The following EIF2B1 variants were observed in gnomAD, a reference collection of about 807,000 sequenced individuals.
EIF2B1 encodes the protein eukaryotic translation initiation factor 2B subunit alpha.
In EIF2B1, 30 loss-of-function variants were observed where a neutral mutation model predicts 36.8. The ratio of observed to expected loss-of-function variants is 0.81; its 90% CI spans 0.61 to 1.10. The LOEUF (loss-of-function observed/expected upper bound fraction) is 1.10. Among genes scored for constraint, EIF2B1 ranks in the 50% least tolerant of loss-of-function variants. The probability of loss-of-function intolerance (pLI) is 0.00; values close to 1 mark genes in which losing one functional copy is unlikely to be tolerated. For synonymous variants in EIF2B1, 139 were observed against 142.2 expected (o/e 0.98, Z 0.16); for missense variants, 271 against 374.8 (o/e 0.72, Z 2.29).
chr12:123,626,182 CACTT>C (rs1481833975), intron 6 of EIF2B1: 30 of 541,604 alleles, frequency 5.5e-5, no homozygotes, highest in African/African-American at 9.5e-5. Context: ...ACAAACTCAA[CACTT>C]ACAGCCATAA....
rs4040224 is a variant in EIF2B1, at chr12:123,632,945, C to CAAAAAA, written c.14-505_14-500dup. ...TGGGTGACAGAGCGAGACTCCGTCT[C>CAAAAAA]AAAAAAAAAAAAAAAAAAGCTACTG... On this transcript the variant is annotated intron_variant, in intron 1 of 8. Transcript: ENST00000424014. Among the ~76,000 whole-genome samples the CAAAAAA allele has an allele frequency of 2.9e-3, 217 of 75,074 alleles. 4 individuals are homozygous for CAAAAAA. Among genetic ancestry groups the CAAAAAA allele is most frequent in the African/African-American group, 0.012 (204 of 16,426 alleles). 49.3% of individuals were successfully genotyped at this position (75,074 alleles called of 152,430 possible).
At chr12:123,628,734 C>T (rs1482059964) in intron 4 of EIF2B1, among the ~76,000 whole-genome samples, 1 of 152,176 alleles carries the variant, frequency 6.6e-6, no homozygotes, top group African/African-American at 2.4e-5. Flanking sequence ...AGCTCTCTAG[C>T]TCCTTTCTGG....
chr12:123,626,345 C>G lies in EIF2B1; in HGVS notation c.551+80G>C, dbSNP rs568510703. On this transcript the variant is annotated intron_variant, in intron 6 of 8. Coordinates refer to ENST00000424014, the MANE Select transcript of EIF2B1 (RefSeq NM_001414.4). ...CTGGTGTGGCTTTATGAACGGGACT[C>G]AAACTTTCAATCTGAAAACTTGCTG... The G allele has an allele frequency of 3.8e-6, 6 of 1,579,526 alleles. No individual in the cohort carries two copies. In the South Asian group the frequency reaches 6.7e-5, roughly 18 times the overall value.
chr12:123,631,807 A>G (rs1002488528), intron 2 of EIF2B1, among the ~76,000 whole-genome samples: 1 of 40,072 alleles, frequency 2.5e-5, no homozygotes, highest in Non-Finnish European at 5.2e-5. Flanking sequence ...ACTCCGTCTC[A>G]AAAAAAAAAA....
rs1566213479 is a variant in EIF2B1 at position 123,621,927 on chromosome 12, A to G, written c.754-7T>C. 2 of 1,613,868 alleles carry G rather than the reference A, an allele frequency of 1.2e-6. No homozygotes were observed. The highest frequency in any genetic ancestry group is 2.2e-5 in the East Asian group (1 of 44,884). On this transcript the variant is annotated splice_region_variant and splice_polypyrimidine_tract_variant and intron_variant, in intron 8 of 8. Coordinates refer to ENST00000424014, the MANE Select transcript of EIF2B1 (RefSeq NM_001414.4). The stretch of plus-strand genomic sequence containing the variant: ...TGAGAGTGTCTGCCTTATACTGAGG[A>G]GAGAAGTACACATTAGTCGGCACTG...
intron 4 of EIF2B1, among the ~76,000 whole-genome samples, chr12:123,627,560 C>T (rs1955158221): frequency 6.6e-6 from 1 of 152,150 alleles, no homozygotes; most frequent in Admixed American, 6.6e-5. Flanking sequence ...CGAAAGGCTA[C>T]AGAAGGCTGG....
intron 1 of EIF2B1, 71 bp downstream of exon 1, chr12:123,633,474 G>A (rs1955218900): frequency 6.2e-7 from 1 of 1,603,550 alleles, no homozygotes; most frequent in African/African-American, 1.3e-5. Context: ...GCTCAGCCTG[G>A]ATGTGAGAGG....
At chr12:123,632,253 G>A (rs1955196809) in intron 2 of EIF2B1, 92 bp downstream of exon 2, 1 of 896,560 alleles carries the variant, frequency 1.1e-6, no homozygotes, top group Non-Finnish European at 1.8e-6. Context: ...GGGTGACAGA[G>A]TGAGGCTCCG....
intron 6 of EIF2B1, chr12:123,626,217 C>G: frequency 1.7e-6 from 1 of 601,356 alleles, no homozygotes; most frequent in Non-Finnish European, 3.0e-6. Flanking sequence ...ACAACTCCCA[C>G]TCTCCCCAAC....
At position 123,630,332 on chromosome 12, in the gene EIF2B1, T is replaced by C. The variant is rs930417910; in HGVS notation, c.253-47A>G. Reference sequence around the variant, plus strand: ...GAGGGGACAGGGAAGATCCAGTTAATGCTGAGAATGTCTGTCACTAAACAG... The same window carrying C: ...GAGGGGACAGGGAAGATCCAGTTAACGCTGAGAATGTCTGTCACTAAACAG... On this transcript the variant is annotated intron_variant, in intron 3 of 8. Coordinates refer to ENST00000424014, the MANE Select transcript of EIF2B1 (RefSeq NM_001414.4). The surrounding 1 kb of genome is among the most constrained non-coding windows in gnomAD (Gnocchi z 4.6). 7 of 1,613,974 alleles carry C rather than the reference T, an allele frequency of 4.3e-6. No individual in the cohort carries two copies. In the African/African-American group the frequency reaches 8.0e-5, roughly 18 times the overall value.
At position 123,620,629 on chromosome 12, in the gene EIF2B1, A is replaced by G. The variant is rs980432155; in HGVS notation, c.*1127T>C. Reference sequence around the variant, plus strand: ...ATATATATATATATATATATATATAAGCTCTTTTTTCTGAGGCTATTTTAT... The same window carrying G: ...ATATATATATATATATATATATATAGGCTCTTTTTTCTGAGGCTATTTTAT... On this transcript the variant is annotated 3_prime_UTR_variant, in exon 9 of 9. Coordinates refer to ENST00000424014, the MANE Select transcript of EIF2B1 (RefSeq NM_001414.4). 750 of 60,794 alleles carry G rather than the reference A, an allele frequency of 0.012. 24 individuals are homozygous for G. The highest frequency in any genetic ancestry group is 0.059 in the Admixed American group (296 of 5,050). The allele number at this position is 60,794 out of a possible 1,614,324, so 3.8% of individuals were successfully genotyped here.
In EIF2B1 at chr12:123,630,165, T is replaced by TCACCG; in HGVS notation, c.368_369+3dup. ...CCTTACCACCATGATGATTATCCAC[T>TCACCG]CACCGCTCCATCTTTGATGAAAGTA... On this transcript the variant is annotated splice_donor_region_variant and intron_variant, in intron 4 of 8. Coordinates refer to ENST00000424014, the MANE Select transcript of EIF2B1 (RefSeq NM_001414.4). This position sits in a 1 kb window ranked among gnomAD's most constrained non-coding sequence, Gnocchi z 4.6. The TCACCG allele has an allele frequency of 6.2e-7, 1 of 1,613,064 alleles. No homozygotes were observed. Among genetic ancestry groups the TCACCG allele is most frequent in the Non-Finnish European group, 8.5e-7 (1 of 1,179,330 alleles).
At position 123,626,993 on chromosome 12, in the gene EIF2B1, T is replaced by G. The variant is rs756438660; in HGVS notation, c.482+51A>C. The G allele has an allele frequency of 4.5e-6, 7 of 1,544,512 alleles. No homozygotes were observed. The African/African-American group carries it at 8.2e-5, about 18-fold the overall frequency. The stretch of plus-strand genomic sequence containing the variant: ...ATCCTGTTGGACTGTAATCCGCAGT[T>G]TGCTCTGTAAAATTATGGCTGGGCA... On this transcript the variant is annotated intron_variant, in intron 5 of 8. Coordinates refer to ENST00000424014, the MANE Select transcript of EIF2B1 (RefSeq NM_001414.4).
In EIF2B1 at chr12:123,626,769, A is replaced by G; in HGVS notation, c.482+275T>C. On this transcript the variant is annotated intron_variant, in intron 5 of 8. Coordinates refer to ENST00000424014, the MANE Select transcript of EIF2B1 (RefSeq NM_001414.4). ...TTGATTATCGTCTAGAGAGAGGGAG[A>G]TATAAGTTACCTATTCCTTGATAAA... The G allele has an allele frequency of 1.8e-5, 12 of 653,212 alleles. No individual in the cohort carries two copies. The South Asian group carries it at 2.1e-4, about 11-fold the overall frequency. 40.5% of individuals were successfully genotyped at this position (653,212 alleles called of 1,614,324 possible).
rs772043609 is a variant in EIF2B1 at position 123,621,894 on chromosome 12, C to T, written c.780G>A (p.Ala260=). Residue 260 remains alanine (A), a synonymous_variant, in exon 9 of 9, where the codon GCG becomes GCA. Coordinates refer to ENST00000424014, the MANE Select transcript of EIF2B1 (RefSeq NM_001414.4). ...CCTCTTTGAGGTCTTGTCCAGTCTG[C>T]GCGACCTTGAGAGTGTCTGCCTTAT... ...FKYKADTLKV[A]QTGQDLKEEH... 2.5e-5 allele frequency: 41 copies of T among 1,613,896 alleles called. No individual in the cohort carries two copies. In the Admixed American group the frequency reaches 4.8e-4, roughly 19 times the overall value.
At position 123,621,540 on chromosome 12, in the gene EIF2B1, A is replaced by G. The variant is rs752329421; in HGVS notation, c.*216T>C. 63 of 606,536 alleles carry G rather than the reference A, an allele frequency of 1.0e-4. No individual in the cohort carries two copies. Among genetic ancestry groups the G allele is most frequent in the Non-Finnish European group, 1.6e-4 (57 of 348,526 alleles). The allele number at this position is 606,536 out of a possible 1,614,324, so 37.6% of individuals were successfully genotyped here. On this transcript the variant is annotated 3_prime_UTR_variant, in exon 9 of 9. Coordinates refer to ENST00000424014, the MANE Select transcript of EIF2B1 (RefSeq NM_001414.4). ...AAAAGGAAAGTTTCTAGAAACCGTA[A>G]GAACAATTTAAGTTGGGATTTAGAA...
At position 123,626,433 on chromosome 12, in the gene EIF2B1, A is replaced by G. The variant is rs758794919; in HGVS notation, c.543T>C (p.Ala181=). 161 of 1,614,168 alleles carry G rather than the reference A, an allele frequency of 1.0e-4. No individual in the cohort carries two copies. The Middle Eastern group carries it at 1.8e-3, about 18-fold the overall frequency. The change falls in exon 6 of 9, where the codon GCT becomes GCC. Residue 181 remains alanine (A), a synonymous_variant. Coordinates refer to ENST00000424014, the MANE Select transcript of EIF2B1 (RefSeq NM_001414.4). Reference sequence around the variant, plus strand: ...GGAAGATGGGCACTCACCCGACAGCAGCATCTAGCACCACAGTGACAGGGA... The same window carrying G: ...GGAAGATGGGCACTCACCCGACAGCGGCATCTAGCACCACAGTGACAGGGA... ...LNVPVTVVLD[A]AVGYIMEKAD...
chr12:123,633,539 A>G lies in EIF2B1; in HGVS notation c.13+6T>C, dbSNP rs761286109. On this transcript the variant is annotated splice_donor_region_variant and intron_variant, in intron 1 of 8. Coordinates refer to ENST00000424014, the MANE Select transcript of EIF2B1 (RefSeq NM_001414.4). The stretch of plus-strand genomic sequence containing the variant: ...AGCCTAGCAGCCCTGGCCTGTCTTG[A>G]TTTACCCTTGTCGTCCATGGCGTCC... The G allele has an allele frequency of 6.2e-7, 1 of 1,613,470 alleles. No individual in the cohort carries two copies. The highest frequency in any genetic ancestry group is 8.5e-7 in the Non-Finnish European group (1 of 1,179,994).
Position 123,630,336 on chromosome 12 carries a change from GAGAA to G in EIF2B1, c.253-55_253-52del. ...GGACAGGGAAGATCCAGTTAATGCT[GAGAA>G]TGTCTGTCACTAAACAGAGAAGTGG... On this transcript the variant is annotated intron_variant, in intron 3 of 8. Transcript: ENST00000424014. This position sits in a 1 kb window ranked among gnomAD's most constrained non-coding sequence, Gnocchi z 4.6. 1 of 1,614,084 alleles carries G rather than the reference GAGAA, an allele frequency of 6.2e-7. No individual in the cohort carries two copies. Among genetic ancestry groups the G allele is most frequent in the Non-Finnish European group, 8.5e-7 (1 of 1,179,952 alleles).
Sources: gnomAD v4.1 joint callset for allele counts (sites outside exome capture counted in the v4.1 genomes callset) on GRCh38, gnomAD v4.1.1 for gene constraint, Gnocchi (gnomAD v3.1) non-coding constraint, MANE v1.5 for transcripts, NCBI Gene and HGNC (gene_info 2026-07-23, HGNC 2026-07-21) for gene names.